Variants in FRMD3 observed in about 807,000 individuals in gnomAD.
The protein encoded by FRMD3 is FERM domain-containing protein 3.
In FRMD3, 33 loss-of-function variants were observed where a neutral mutation model predicts 70.2. The observed-to-expected ratio is 0.47, with a 90% CI of 0.36 to 0.63. FRMD3 has a LOEUF of 0.63. Among genes scored for constraint, FRMD3 ranks in the 20% least tolerant of loss-of-function variants. The probability of loss-of-function intolerance (pLI) is 0.00; values close to 1 mark genes in which losing one functional copy is unlikely to be tolerated. For missense variants in FRMD3, 632 were observed against 711.4 expected, an observed-to-expected ratio of 0.89 and a Z score of 1.27; for synonymous variants, 279 against 255.9, an observed-to-expected ratio of 1.09 and a Z score of -0.86.
intron 13 of FRMD3, among the ~76,000 whole-genome samples, chr9:83,263,369 C>T: frequency 6.6e-6 from 1 of 152,204 alleles, no homozygotes; most frequent in Admixed American, 6.5e-5. Context: ...CACAGTCAGT[C>T]ATTACACTGT....
chr9:83,360,007 G>A (rs1375560490), intron 3 of FRMD3, among the ~76,000 whole-genome samples: 1 of 152,222 alleles, frequency 6.6e-6, no homozygotes, highest in Non-Finnish European at 1.5e-5. Context: ...GAAAGAGTGA[G>A]GGGGCACTGT....
At chr9:83,509,051 T>G (rs1038352139) in intron 1 of FRMD3, among the ~76,000 whole-genome samples, 9 of 138,038 alleles carry the variant, frequency 6.5e-5, no homozygotes, top group Non-Finnish European at 1.6e-5. Context: ...TCAAAGCATT[T>G]ACCAACAACA....
At chr9:83,422,638 G>A (rs1226355351) in intron 1 of FRMD3, among the ~76,000 whole-genome samples, 2 of 152,170 alleles carry the variant, frequency 1.3e-5, no homozygotes, top group African/African-American at 2.4e-5. Flanking sequence ...GGATCAGATG[G>A]TGGGAGGGAG....
chr9:83,554,213 G>T, the FRMD3 span, among the ~76,000 whole-genome samples: 1 of 152,258 alleles, frequency 6.6e-6, no homozygotes, highest in Non-Finnish European at 1.5e-5. Context: ...TTGCTTAATT[G>T]TGTGGCTCCC....
At chr9:83,344,824 A>AGTGTGTGTGT (rs35538787) in intron 4 of FRMD3, among the ~76,000 whole-genome samples, 24,339 of 143,822 alleles carry the variant, frequency 0.17, 2,078 homozygotes, top group Admixed American at 0.19. Context: ...TGCATGTGTG[A>AGTGTGTGTGT]GTGTGTGTGT....
At chr9:83,374,418 CACAG>C (rs1450222399) in intron 2 of FRMD3, among the ~76,000 whole-genome samples, 3 of 152,040 alleles carry the variant, frequency 2.0e-5, no homozygotes, top group Admixed American at 2.0e-4. Context: ...GACCAGGTTG[CACAG>C]ACAAACTGAA....
chr9:83,575,161 T>C, the FRMD3 span, among the ~76,000 whole-genome samples: 1 of 152,150 alleles, frequency 6.6e-6, no homozygotes, highest in Non-Finnish European at 1.5e-5. Context: ...TTAGTCAAGA[T>C]TCTATTAGTT....
At chr9:83,498,576 C>T (rs1225413714) in intron 1 of FRMD3, among the ~76,000 whole-genome samples, 1 of 152,128 alleles carries the variant, frequency 6.6e-6, no homozygotes, top group Non-Finnish European at 1.5e-5. Flanking sequence ...AAAAATACTT[C>T]CTCAGTCATA....
chr9:83,395,770 T>TAAA (rs57159544), intron 1 of FRMD3, among the ~76,000 whole-genome samples: 1 of 141,608 alleles, frequency 7.1e-6, no homozygotes, highest in Non-Finnish European at 1.5e-5. Flanking sequence ...TTTCTTCAAT[T>TAAA]AAAAAAAAAA....
chr9:83,251,607 G>A (rs1042445275), intron 13 of FRMD3, among the ~76,000 whole-genome samples: 1 of 152,188 alleles, frequency 6.6e-6, no homozygotes, highest in Non-Finnish European at 1.5e-5. Flanking sequence ...ATGCAAAGAA[G>A]GTAAGACTCA....
chr9:83,248,272 T>C lies in FRMD3; in HGVS notation c.1440A>G (p.Thr480=), dbSNP rs1832217369. The C allele has an allele frequency of 6.2e-7, 1 of 1,614,108 alleles. No homozygotes were observed. Among genetic ancestry groups the C allele is most frequent in the South Asian group, 1.1e-5 (1 of 91,088 alleles). Residue 480 remains threonine, a synonymous_variant, in exon 14 of 14, where the codon ACA becomes ACG. Transcript: ENST00000304195. ...PSRLELERED[T]DSFEDLEADE... is the part of the protein sequence containing the mutation. ...CTGCTTCCAGATCCTCAAATGAATC[T>C]GTGTCTTCTCTTTCCAACTCAAGCC...
At chr9:83,335,341 T>C (rs1033671274) in intron 6 of FRMD3, among the ~76,000 whole-genome samples, 175 bp downstream of exon 6, 17 of 152,264 alleles carry the variant, frequency 1.1e-4, no homozygotes, top group African/African-American at 3.9e-4. Flanking sequence ...GAGATTGTTA[T>C]TGACGGAGGA....
At chr9:83,261,131 A>G (rs1450159811) in intron 13 of FRMD3, among the ~76,000 whole-genome samples, 1 of 140,776 alleles carries the variant, frequency 7.1e-6, no homozygotes, top group Non-Finnish European at 1.6e-5. Flanking sequence ...ACACACACAC[A>G]CACACACACA....
At chr9:83,259,386 G>T (rs1273367203) in intron 13 of FRMD3, among the ~76,000 whole-genome samples, 1 of 152,148 alleles carries the variant, frequency 6.6e-6, no homozygotes, top group Non-Finnish European at 1.5e-5. Context: ...CATCAGGGAT[G>T]CTAAGGAGTT....
intron 1 of FRMD3, among the ~76,000 whole-genome samples, chr9:83,496,065 C>T (rs1828935372): frequency 6.6e-6 from 1 of 152,190 alleles, no homozygotes; most frequent in Admixed American, 6.5e-5. Flanking sequence ...GACCTTCTTA[C>T]ACTAGCATAA....
intron 3 of FRMD3, among the ~76,000 whole-genome samples, chr9:83,354,433 G>A (rs13291347): frequency 6.6e-6 from 1 of 152,214 alleles, no homozygotes; most frequent in Non-Finnish European, 1.5e-5. Flanking sequence ...TTCTCACTTA[G>A]AAGTGGGAGC....
At position 83,310,506 on chromosome 9, in the gene FRMD3, A is replaced by G. The variant is rs774567556; in HGVS notation, c.816T>C (p.Tyr272=). ...CKLKFEGKTF[Y]VIGTQKEKKA... ...TGACCTCCTTCTGGGTGCCAATCACATAAAATGTCTTCCCTTCAAACTTCA... is the reference window on the plus strand; with the variant it reads ...TGACCTCCTTCTGGGTGCCAATCACGTAAAATGTCTTCCCTTCAAACTTCA... Residue 272 remains tyrosine (Y), a synonymous_variant, in exon 9 of 14, where the codon TAT becomes TAC. Coordinates refer to ENST00000304195, the MANE Select transcript of FRMD3 (RefSeq NM_174938.6). 1.0e-5 allele frequency: 16 copies of G among 1,606,808 alleles called. No individual in the cohort carries two copies. The highest frequency in any genetic ancestry group is 3.3e-4 in the Middle Eastern group (2 of 6,070).
chr9:83,446,710 GAGATTTGCCAAGTAGAAAAGAAA>G (rs1470287484), intron 1 of FRMD3, among the ~76,000 whole-genome samples: 1 of 150,446 alleles, frequency 6.6e-6, no homozygotes, highest in Non-Finnish European at 1.5e-5. Flanking sequence ...AAGAAAAGAT[GAGATTTGCCAAGTAGAAAAGAAA>G]AGATTTGCCA....
intron 3 of FRMD3, among the ~76,000 whole-genome samples, chr9:83,355,056 A>C (rs1275123986): frequency 1.3e-5 from 2 of 152,148 alleles, no homozygotes; most frequent in African/African-American, 2.4e-5. Flanking sequence ...CTGGAAAAGG[A>C]GCCTTCTCAG....
Sources: gnomAD v4.1 joint callset for allele counts (sites outside exome capture counted in the v4.1 genomes callset) on GRCh38, gnomAD v4.1.1 for gene constraint, MANE v1.5 for transcripts, NCBI Gene and HGNC (gene_info 2026-07-23, HGNC 2026-07-21) for gene names.